RAMP1: variants seen among roughly 807,000 people sequenced by gnomAD.
RAMP1 encodes the protein receptor activity modifying protein 1, also known as receptor activity-modifying protein 1.
RAMP1 carries 7 observed loss-of-function variants against 8.2 expected under a neutral mutation model. That is an observed-to-expected ratio of 0.85 (90% CI 0.49 to 1.60). The LOEUF (loss-of-function observed/expected upper bound fraction) is 1.60, where lower values mean the gene tolerates loss of function less well. Among genes scored for constraint, RAMP1 ranks in the 40% most tolerant of loss-of-function variants. The pLI, the probability that RAMP1 is intolerant of heterozygous loss-of-function variation, is 0.00. For synonymous variants in RAMP1, 92 were observed against 84.7 expected, an observed-to-expected ratio of 1.09 and a Z score of -0.47; for missense variants, 192 against 202.4, an observed-to-expected ratio of 0.95 and a Z score of 0.31.
At position 237,872,091 on chromosome 2, in the gene RAMP1, C is replaced by T. The variant is rs185960589; in HGVS notation, c.53-5133C>T. Among the ~76,000 whole-genome samples, 5 of 152,342 alleles carry T rather than the reference C, an allele frequency of 3.3e-5. No individual in the cohort carries two copies. The East Asian group carries it at 5.8e-4, about 18-fold the overall frequency. On this transcript the variant is annotated intron_variant, in intron 1 of 2. Transcript: ENST00000254661. ...TCTTTCCACCCTCCTGCGATGGTAT[C>T]GTCCATGCCTTAAGGATGTTAGGGG...
intron 2 of RAMP1, among the ~76,000 whole-genome samples, chr2:237,883,495 C>T (rs1001177095): frequency 4.6e-5 from 7 of 152,060 alleles, no homozygotes; most frequent in African/African-American, 7.2e-5. Context: ...TTACTCAGGA[C>T]GTTGAATAGA....
intron 2 of RAMP1, among the ~76,000 whole-genome samples, chr2:237,884,066 T>C (rs2151012644): frequency 6.6e-6 from 1 of 152,174 alleles, no homozygotes; most frequent in South Asian, 2.1e-4. Context: ...CCGCTCATCC[T>C]GTTGCTTTGT....
chr2:237,901,057 T>C (rs1296311467), intron 2 of RAMP1, among the ~76,000 whole-genome samples: 1 of 152,286 alleles, frequency 6.6e-6, no homozygotes, highest in Non-Finnish European at 1.5e-5. Context: ...AGCTGCGGGC[T>C]GTCTGTACGC....
At chr2:237,902,492 A>T (rs2062611794) in intron 2 of RAMP1, among the ~76,000 whole-genome samples, 1 of 151,936 alleles carries the variant, frequency 6.6e-6, no homozygotes, top group Non-Finnish European at 1.5e-5. Context: ...CACAGCGAGG[A>T]GGAAAGTGGG....
intron 2 of RAMP1, among the ~76,000 whole-genome samples, chr2:237,890,012 C>T (rs962032369): frequency 8.5e-5 from 13 of 152,228 alleles, no homozygotes; most frequent in Admixed American, 5.9e-4. Flanking sequence ...GCAGAAACCC[C>T]GCCGGCTGCG....
At chr2:237,861,231 A>T (rs1331221666) in intron 1 of RAMP1, among the ~76,000 whole-genome samples, 1 of 152,184 alleles carries the variant, frequency 6.6e-6, no homozygotes, top group African/African-American at 2.4e-5. Context: ...AAAACTATTC[A>T]TGTTCTGCCG....
At chr2:237,908,289 A>G (rs2062672666) in intron 2 of RAMP1, among the ~76,000 whole-genome samples, 1 of 152,108 alleles carries the variant, frequency 6.6e-6, no homozygotes, top group Admixed American at 6.5e-5. Context: ...GTCCAGCCTC[A>G]GTTTAGACAG....
chr2:237,867,077 T>C (rs1383355945), intron 1 of RAMP1, among the ~76,000 whole-genome samples: 1 of 152,154 alleles, frequency 6.6e-6, no homozygotes, highest in East Asian at 1.9e-4. Flanking sequence ...AAAGTGTTAT[T>C]AAGAAAATTA....
chr2:237,903,097 G>A (rs528217410), intron 2 of RAMP1, among the ~76,000 whole-genome samples: 51 of 151,844 alleles, frequency 3.4e-4, no homozygotes, highest in South Asian at 2.3e-3. Context: ...GGCCTCAAGC[G>A]ATCCTCCTGC....
chr2:237,862,065 A>G lies in RAMP1; in HGVS notation c.52+2338A>G, dbSNP rs1285014652. ...GGAATGCTGGCTGGTGCTGTCACAC[A>G]TGAACTCAGTCACCTGTCCTAGGAA... On this transcript the variant is annotated intron_variant, in intron 1 of 2. Coordinates refer to ENST00000254661, the MANE Select transcript of RAMP1 (RefSeq NM_005855.4). The surrounding 1 kb of genome is among the most constrained non-coding windows in gnomAD (Gnocchi z 4.0). Among the ~76,000 whole-genome samples the G allele has an allele frequency of 6.6e-6, 1 of 152,058 alleles. No individual in the cohort carries two copies. Among genetic ancestry groups the G allele is most frequent in the East Asian group, 1.9e-4 (1 of 5,194 alleles).
At chr2:237,864,316 G>T (rs187177681) in intron 1 of RAMP1, among the ~76,000 whole-genome samples, 2 of 138,372 alleles carry the variant, frequency 1.4e-5, no homozygotes, top group Non-Finnish European at 2.9e-5. Flanking sequence ...CCAACCATGC[G>T]CGTGTTTGCT....
chr2:237,893,968 T>G (rs1559948746), intron 2 of RAMP1, among the ~76,000 whole-genome samples: 1 of 110,112 alleles, frequency 9.1e-6, no homozygotes, highest in Non-Finnish European at 1.8e-5. Flanking sequence ...TAAAAATACT[T>G]TCTTTTTTTT....
At chr2:237,911,002 AGT>A in intron 2 of RAMP1, among the ~76,000 whole-genome samples, 1 of 151,984 alleles carries the variant, frequency 6.6e-6, no homozygotes. Flanking sequence ...CACAGAAAAT[AGT>A]CACACACACG....
intron 1 of RAMP1, among the ~76,000 whole-genome samples, chr2:237,868,600 A>G (rs2062213480): frequency 6.6e-6 from 1 of 152,136 alleles, no homozygotes; most frequent in Admixed American, 6.6e-5. Flanking sequence ...CAAAAAAAAA[A>G]AAACAGTTCC....
At chr2:237,859,828 G>C (rs2062115120) in intron 1 of RAMP1, 101 bp downstream of exon 1, 3 of 1,095,832 alleles carry the variant, frequency 2.7e-6, no homozygotes, top group African/African-American at 1.7e-5. Context: ...GGGAGCGGGT[G>C]GGGGCGGGCG....
chr2:237,903,522 A>C (rs4663805), intron 2 of RAMP1, among the ~76,000 whole-genome samples: 132,981 of 152,088 alleles, frequency 0.87, 58,245 homozygotes, highest in African/African-American at 0.93. Context: ...ATTCAGCATT[A>C]TTTTCTTTTT....
rs772132515 is a variant in RAMP1 at position 237,911,495 on chromosome 2, C to T, written c.192-33C>T. ...GTCCCGCGTTGGATCCCCCGCCTGC[C>T]CAGGGTCTTACCACCTCCTCTTCCA... On this transcript the variant is annotated intron_variant, in intron 2 of 2. Coordinates refer to ENST00000254661, the MANE Select transcript of RAMP1 (RefSeq NM_005855.4). 10 of 1,609,454 alleles carry T rather than the reference C, an allele frequency of 6.2e-6. 1 individual carries two copies. In the Admixed American group the frequency reaches 6.7e-5, roughly 11 times the overall value.
intron 1 of RAMP1, among the ~76,000 whole-genome samples, chr2:237,874,023 C>T (rs558871587): frequency 2.0e-5 from 3 of 152,312 alleles, no homozygotes; most frequent in Middle Eastern, 3.4e-3. Flanking sequence ...ATGGCAGTCC[C>T]GCCCCTTGGG....
At chr2:237,902,896 G>A (rs1320584527) in intron 2 of RAMP1, among the ~76,000 whole-genome samples, 1 of 152,260 alleles carries the variant, frequency 6.6e-6, no homozygotes, top group Non-Finnish European at 1.5e-5. Context: ...AGTCCTTCGT[G>A]TTATTACCAT....
Sources: allele counts gnomAD v4.1 joint callset (sites outside exome capture counted in the v4.1 genomes callset), GRCh38; gene constraint gnomAD v4.1.1; non-coding constraint Gnocchi (gnomAD v3.1); transcripts MANE v1.5; gene names NCBI Gene and HGNC (gene_info 2026-07-23, HGNC 2026-07-21).